The following YAP1 variants were observed in gnomAD, a reference collection of about 807,000 sequenced individuals.
The protein encoded by YAP1 is transcriptional coactivator YAP1.
A neutral mutation model predicts 56.9 loss-of-function variants in YAP1; 5 were observed. That is an observed-to-expected ratio of 0.09 (90% confidence interval 0.05 to 0.18). The LOEUF is 0.18. YAP1 is among the 10% of genes least tolerant of loss of function. The pLI, the probability that YAP1 is intolerant of heterozygous loss-of-function variation, is 1.00. For synonymous variants in YAP1, 265 were observed against 248.1 expected, an observed-to-expected ratio of 1.07 and a Z score of -0.64; for missense variants, 539 against 651.8, an observed-to-expected ratio of 0.83 and a Z score of 1.88.
Position 102,162,511 on chromosome 11 carries a change from A to T in YAP1, c.628A>T (p.Met210Leu), listed in dbSNP as rs148057981. 2.5e-6 allele frequency: 4 copies of T among 1,614,112 alleles called. No homozygotes were observed. Among genetic ancestry groups the T allele is most frequent in the Admixed American group, 3.3e-5 (2 of 60,004 alleles). ...CCCCAGGAAGGCCATGCTGTCCCAGATGAACGTCACAGCCCCCACCAGTCC... is the reference window on the plus strand; with the variant it reads ...CCCCAGGAAGGCCATGCTGTCCCAGTTGAACGTCACAGCCCCCACCAGTCC... ...QDPRKAMLSQ[M>L]NVTAPTSPPV... Residue 210 changes from methionine (M) to leucine (L), a missense_variant, in exon 3 of 9, where the codon ATG (methionine) becomes TTG (leucine). This residue lies in a region of YAP1 where 414 missense variants were observed against 512.4 expected (regional missense o/e 0.81). Coordinates refer to ENST00000282441, the MANE Select transcript of YAP1 (RefSeq NM_001130145.3).
chr11:102,117,678 T>C (rs1943374305), intron 2 of YAP1, among the ~76,000 whole-genome samples: 2 of 152,186 alleles, frequency 1.3e-5, no homozygotes, highest in Admixed American at 1.3e-4. Flanking sequence ...TACCTTACTT[T>C]GGCAAGTGAT....
At chr11:102,179,980 C>T (rs543558551) in intron 3 of YAP1, among the ~76,000 whole-genome samples, 2 of 149,260 alleles carry the variant, frequency 1.3e-5, no homozygotes, top group East Asian at 3.9e-4. Flanking sequence ...ATTTTAATTA[C>T]ATTCATTTCA....
chr11:102,112,534 T>G, intron 1 of YAP1: 2 of 981,760 alleles, frequency 2.0e-6, no homozygotes, highest in South Asian at 9.5e-5. Flanking sequence ...GTTAGCCCAC[T>G]CGGGATGTAA....
intron 3 of YAP1, among the ~76,000 whole-genome samples, chr11:102,168,043 C>CA (rs539405753): frequency 2.5e-4 from 37 of 149,750 alleles, no homozygotes; most frequent in African/African-American, 7.6e-4. Flanking sequence ...GACCCTGTCT[C>CA]AAAAAAAAAG....
intron 2 of YAP1, among the ~76,000 whole-genome samples, chr11:102,148,944 C>A (rs2135334435): frequency 6.6e-6 from 1 of 152,206 alleles, no homozygotes; most frequent in Non-Finnish European, 1.5e-5. Flanking sequence ...ACAGTTATAA[C>A]TATTTGTTGT....
At chr11:102,217,602 G>A (rs889202027) in intron 6 of YAP1, among the ~76,000 whole-genome samples, 4 of 152,082 alleles carry the variant, frequency 2.6e-5, no homozygotes, top group Non-Finnish European at 5.9e-5. Context: ...AGAAAATACC[G>A]AATAATCTAC....
At chr11:102,121,907 C>A (rs775667112) in intron 2 of YAP1, among the ~76,000 whole-genome samples, 1 of 152,246 alleles carries the variant, frequency 6.6e-6, no homozygotes, top group South Asian at 2.1e-4. Context: ...GTGTGATCCT[C>A]CCACCTGAGC....
intron 8 of YAP1, among the ~76,000 whole-genome samples, chr11:102,227,965 A>T (rs1950275097): frequency 6.6e-6 from 1 of 151,642 alleles, no homozygotes; most frequent in Non-Finnish European, 1.5e-5. Flanking sequence ...CCAGCTACTC[A>T]GGAGGCTGAG....
At chr11:102,138,466 G>C (rs1445045942) in intron 2 of YAP1, among the ~76,000 whole-genome samples, 1 of 152,166 alleles carries the variant, frequency 6.6e-6, no homozygotes, top group Non-Finnish European at 1.5e-5. Context: ...GGCTTCCTTA[G>C]GTGTTGCTGG....
At chr11:102,158,415 A>G (rs1946074172) in intron 2 of YAP1, among the ~76,000 whole-genome samples, 1 of 152,180 alleles carries the variant, frequency 6.6e-6, no homozygotes, top group African/African-American at 2.4e-5. Flanking sequence ...ATCAAATCTC[A>G]AAGTAGTATC....
chr11:102,191,794 G>A (rs1426901310), intron 4 of YAP1, among the ~76,000 whole-genome samples: 1 of 151,864 alleles, frequency 6.6e-6, no homozygotes, highest in Non-Finnish European at 1.5e-5. Flanking sequence ...CAAGCCTCCC[G>A]CCTGTAGCTG....
intron 2 of YAP1, among the ~76,000 whole-genome samples, chr11:102,145,847 A>G (rs999530530): frequency 1.3e-5 from 2 of 152,116 alleles, no homozygotes; most frequent in African/African-American, 4.8e-5. Flanking sequence ...TTGCTCACTC[A>G]TTTTGCTCAT....
intron 3 of YAP1, among the ~76,000 whole-genome samples, chr11:102,179,952 T>G (rs1947486357): frequency 6.6e-6 from 1 of 152,110 alleles, no homozygotes. Context: ...TATTTTGTTT[T>G]ACAAGCATAA....
At chr11:102,118,350 G>GT (rs1245883355) in intron 2 of YAP1, among the ~76,000 whole-genome samples, 24 of 151,824 alleles carry the variant, frequency 1.6e-4, no homozygotes, top group African/African-American at 5.3e-4. Context: ...AAAAGGATAT[G>GT]TTTTTCAGAG....
intron 2 of YAP1, among the ~76,000 whole-genome samples, chr11:102,123,684 G>C (rs1056850066): frequency 2.1e-5 from 3 of 144,914 alleles, no homozygotes; most frequent in African/African-American, 7.7e-5. Flanking sequence ...CTGTCACCCA[G>C]GTTGGAGTGC....
At chr11:102,137,056 G>A (rs775205369) in intron 2 of YAP1, among the ~76,000 whole-genome samples, 2 of 152,168 alleles carry the variant, frequency 1.3e-5, no homozygotes, top group African/African-American at 2.4e-5. Flanking sequence ...TGGAGAATTG[G>A]TATCTTTACA....
At chr11:102,152,258 A>G (rs1255562064) in intron 2 of YAP1, among the ~76,000 whole-genome samples, 1 of 152,236 alleles carries the variant, frequency 6.6e-6, no homozygotes, top group African/African-American at 2.4e-5. Flanking sequence ...ATGAAAAGCT[A>G]TCTGTAAGAT....
At chr11:102,213,600 T>C (rs1000252171) in intron 6 of YAP1, among the ~76,000 whole-genome samples, 10 of 152,362 alleles carry the variant, frequency 6.6e-5, no homozygotes, top group Non-Finnish European at 1.5e-4. Flanking sequence ...TTTCACTCAC[T>C]GGTTCCAGTT....
At chr11:102,202,550 T>C (rs1737081864) in intron 4 of YAP1, among the ~76,000 whole-genome samples, 1 of 151,846 alleles carries the variant, frequency 6.6e-6, no homozygotes, top group South Asian at 2.1e-4. Flanking sequence ...ATCCTGAAAG[T>C]GTACACAAAA....
Sources: gnomAD v4.1 joint callset for allele counts (sites outside exome capture counted in the v4.1 genomes callset) on GRCh38, gnomAD v4.1.1 for gene constraint, gnomAD v4.1.1 regional missense constraint, MANE v1.5 for transcripts, NCBI Gene and HGNC (gene_info 2026-07-23, HGNC 2026-07-21) for gene names.